Variants in EGFLAM observed in about 807,000 individuals in gnomAD.
EGFLAM encodes pikachurin.
EGFLAM carries 79 observed loss-of-function variants against 113.1 expected under a neutral mutation model. The ratio of observed to expected loss-of-function variants is 0.70; its 90% confidence interval spans 0.58 to 0.84. The LOEUF (loss-of-function observed/expected upper bound fraction) is 0.84, where lower values mean the gene tolerates loss of function less well. Among genes scored for constraint, EGFLAM ranks in the 40% least tolerant of loss-of-function variants. EGFLAM has a pLI of 0.00. For synonymous variants in EGFLAM, 504 were observed against 487.6 expected (o/e 1.03, Z -0.44); for missense variants, 1,265 against 1,291.6 (o/e 0.98, Z 0.32).
chr5:38,436,032 G>A (rs959507826), intron 16 of EGFLAM, among the ~76,000 whole-genome samples: 14 of 152,110 alleles, frequency 9.2e-5, no homozygotes, highest in African/African-American at 3.4e-4. Flanking sequence ...TGGCCAGGCT[G>A]GTCTCGAACT....
intron 17 of EGFLAM, chr5:38,445,791 G>A: frequency 7.2e-7 from 1 of 1,385,784 alleles, no homozygotes. Flanking sequence ...GGTGAGTGGT[G>A]TGGGAGCTGG....
chr5:38,269,795 A>C (rs1208353189), intron 1 of EGFLAM, among the ~76,000 whole-genome samples: 1 of 152,112 alleles, frequency 6.6e-6, no homozygotes, highest in African/African-American at 2.4e-5. Context: ...GGCCTGAAAC[A>C]CTGCACTTTT....
intron 6 of EGFLAM, among the ~76,000 whole-genome samples, chr5:38,373,797 C>T (rs1414386553): frequency 6.6e-6 from 1 of 152,140 alleles, no homozygotes; most frequent in Non-Finnish European, 1.5e-5. Context: ...ATTGCTGGCT[C>T]AGTGGTAGTT....
chr5:38,289,699 G>A (rs1758263902), intron 1 of EGFLAM, among the ~76,000 whole-genome samples: 1 of 152,214 alleles, frequency 6.6e-6, no homozygotes, highest in Non-Finnish European at 1.5e-5. Context: ...AACGCATGGA[G>A]AAATGGATAT....
chr5:38,374,975 T>C (rs1740324935), intron 6 of EGFLAM, among the ~76,000 whole-genome samples: 1 of 152,184 alleles, frequency 6.6e-6, no homozygotes, highest in Admixed American at 6.5e-5. Flanking sequence ...GACTTCCTTG[T>C]AGATTCTGGA....
chr5:38,345,449 T>A (rs1257081989), intron 3 of EGFLAM: 1 of 152,236 alleles, frequency 6.6e-6, no homozygotes, highest in African/African-American at 2.4e-5. Flanking sequence ...TGATTTTCTC[T>A]TCTATAGATG....
intron 12 of EGFLAM, among the ~76,000 whole-genome samples, chr5:38,421,915 A>G (rs1327075461): frequency 1.3e-5 from 2 of 152,168 alleles, no homozygotes; most frequent in Non-Finnish European, 2.9e-5. Flanking sequence ...AGATCTTCTG[A>G]CAGCTCATTA....
chr5:38,323,953 A>T (rs1407252270), intron 1 of EGFLAM, among the ~76,000 whole-genome samples: 1 of 151,502 alleles, frequency 6.6e-6, no homozygotes, highest in Non-Finnish European at 1.5e-5. Flanking sequence ...GAGGCAGGAG[A>T]ATCACTTGAA....
rs61171281 is a variant in EGFLAM, at chr5:38,270,119, C to G, written c.97+11268C>G. 2.2e-4 allele frequency among the ~76,000 whole-genome samples: 33 copies of G among 152,306 alleles called. No homozygotes were observed. In the East Asian group the frequency reaches 6.4e-3, roughly 29 times the overall value. On this transcript the variant is annotated intron_variant, in intron 1 of 21. Transcript: ENST00000322350. ...CACTCTGTAGAGTAACCTGGGACAG[C>G]TTTCAGTCATGCTCCTCACTGGTTG... is the stretch of plus-strand genomic sequence containing the variant.
intron 5 of EGFLAM, among the ~76,000 whole-genome samples, chr5:38,362,185 C>T (rs1179508991): frequency 1.3e-5 from 2 of 152,184 alleles, no homozygotes; most frequent in African/African-American, 4.8e-5. Flanking sequence ...CTATCGTTTT[C>T]TCATCATAAA....
intron 1 of EGFLAM, among the ~76,000 whole-genome samples, chr5:38,306,362 A>G (rs139197687): frequency 6.6e-6 from 1 of 152,308 alleles, no homozygotes; most frequent in African/African-American, 2.4e-5. Flanking sequence ...CCCCAGAAGA[A>G]GCATGTGTTT....
chr5:38,352,128 AG>A, intron 4 of EGFLAM, 67 bp from the exon 5 acceptor site: 1 of 1,605,692 alleles, frequency 6.2e-7, no homozygotes, highest in Non-Finnish European at 8.5e-7. Context: ...CCACCAGCCT[AG>A]CCCATTAAAC....
At chr5:38,359,944 C>T (rs1739876256) in intron 5 of EGFLAM, among the ~76,000 whole-genome samples, 1 of 152,132 alleles carries the variant, frequency 6.6e-6, no homozygotes, top group African/African-American at 2.4e-5. Context: ...AGGTGGACTG[C>T]AGTACCTACA....
chr5:38,361,622 A>T (rs1739925384), intron 5 of EGFLAM, among the ~76,000 whole-genome samples: 1 of 119,600 alleles, frequency 8.4e-6, no homozygotes, highest in Admixed American at 8.0e-5. Flanking sequence ...TGATGAACTT[A>T]AAAAAAAAAA....
Position 38,412,600 on chromosome 5 carries a change from C to T in EGFLAM, c.1446C>T (p.Asn482=), listed in dbSNP as rs139077431. 6.3e-4 allele frequency: 1,018 copies of T among 1,614,068 alleles called. No homozygotes were observed. The highest frequency in any genetic ancestry group is 8.3e-4 in the Non-Finnish European group (982 of 1,180,012). The change falls in exon 11 of 22, where the codon AAC becomes AAT. Residue 482 remains asparagine (N), a synonymous_variant. Coordinates refer to ENST00000322350, the MANE Select transcript of EGFLAM (RefSeq NM_152403.4). ...TTATGCTCTACAGAGATGGGCTGAA[C>T]GGGCTGCTGCAGCTGAACAATGGCA... ...HTVMLYRDGL[N]GLLQLNNGTP...
intron 17 of EGFLAM, among the ~76,000 whole-genome samples, chr5:38,443,724 C>T (rs1742620097): frequency 6.6e-6 from 1 of 151,182 alleles, no homozygotes; most frequent in African/African-American, 2.4e-5. Flanking sequence ...CTTTGCTTTG[C>T]TAAGGTCCCG....
chr5:38,463,258 A>G (rs1743351217), intron 21 of EGFLAM, among the ~76,000 whole-genome samples: 1 of 152,166 alleles, frequency 6.6e-6, no homozygotes, highest in African/African-American at 2.4e-5. Context: ...TTGTTTATAG[A>G]ACAGGAACCT....
At chr5:38,410,746 C>A (rs1019272359) in intron 10 of EGFLAM, among the ~76,000 whole-genome samples, 1 of 152,220 alleles carries the variant, frequency 6.6e-6, no homozygotes, top group Non-Finnish European at 1.5e-5. Flanking sequence ...CTCTGTCTCA[C>A]CTCACTGCTG....
In EGFLAM at chr5:38,317,001, G is replaced by A. The variant is rs189520157; in HGVS notation, c.98-20519G>A. Among the ~76,000 whole-genome samples the A allele has an allele frequency of 1.6e-3, 247 of 152,186 alleles. 1 individual carries two copies. Among genetic ancestry groups the A allele is most frequent in the African/African-American group, 5.5e-3 (228 of 41,520 alleles). On this transcript the variant is annotated intron_variant, in intron 1 of 21. Coordinates refer to ENST00000322350, the MANE Select transcript of EGFLAM (RefSeq NM_152403.4). The stretch of plus-strand genomic sequence containing the variant: ...GTCTGCTTGCTTCCGGCAATGTTCC[G>A]GTGTCCATTCTATCACGTGATCCTG...
Sources: allele counts gnomAD v4.1 joint callset (sites outside exome capture counted in the v4.1 genomes callset), GRCh38; gene constraint gnomAD v4.1.1; transcripts MANE v1.5; gene names NCBI Gene and HGNC (gene_info 2026-07-23, HGNC 2026-07-21).